ACSM1: variants seen among roughly 807,000 people sequenced by gnomAD.
ACSM1 encodes the protein acyl-coenzyme A synthetase ACSM1, mitochondrial.
Under a neutral mutation model 75.8 loss-of-function variants are expected in ACSM1, and 79 were observed. The ratio of observed to expected loss-of-function variants is 1.04; its 90% CI spans 0.87 to 1.26. The LOEUF is 1.26. Ranked by LOEUF, ACSM1 falls within the 50% of genes most tolerant of loss-of-function variation. The pLI, the probability that ACSM1 is intolerant of heterozygous loss-of-function variation, is 0.00. For synonymous variants in ACSM1, 279 were observed against 265.8 expected, an observed-to-expected ratio of 1.05 and a Z score of -0.48; for missense variants, 676 against 720.1, an observed-to-expected ratio of 0.94 and a Z score of 0.70.
chr16:20,671,398 A>C, intron 5 of ACSM1, 133 bp downstream of exon 5: 1 of 926,968 alleles, frequency 1.1e-6, no homozygotes. Flanking sequence ...GTGGAAGGGA[A>C]AAGGAGTATG....
chr16:20,647,224 G>A (rs2018416346), intron 7 of ACSM1, among the ~76,000 whole-genome samples: 1 of 152,192 alleles, frequency 6.6e-6, no homozygotes, highest in Non-Finnish European at 1.5e-5. Flanking sequence ...CTCAAGATGT[G>A]CATGACCATG....
chr16:20,644,538 A>AACAC (rs56275246), intron 7 of ACSM1, among the ~76,000 whole-genome samples: 7,763 of 145,014 alleles, frequency 0.054, 261 homozygotes, highest in Non-Finnish European at 0.077. Flanking sequence ...GTGATTGAGG[A>AACAC]ACACACACAC....
intron 7 of ACSM1, among the ~76,000 whole-genome samples, chr16:20,643,891 A>G (rs1002388167): frequency 1.3e-5 from 2 of 152,024 alleles, no homozygotes; most frequent in East Asian, 3.9e-4. Context: ...TGATTGGTGA[A>G]TTTACAGTCC....
At chr16:20,629,672 A>T (rs956967706) in intron 10 of ACSM1, among the ~76,000 whole-genome samples, 1 of 152,208 alleles carries the variant, frequency 6.6e-6, no homozygotes, top group Non-Finnish European at 1.5e-5. Context: ...AATATACACT[A>T]TCTACAAGAG....
intron 11 of ACSM1, 47 bp from the exon 12 acceptor site, chr16:20,625,569 C>A (rs2016875607): frequency 1.9e-6 from 3 of 1,549,672 alleles, no homozygotes; most frequent in Admixed American, 1.7e-5. Context: ...TGGGGTGAAC[C>A]AAGTCCCCAG....
At chr16:20,640,837 T>A (rs1385019758) in intron 7 of ACSM1, among the ~76,000 whole-genome samples, 1 of 152,138 alleles carries the variant, frequency 6.6e-6, no homozygotes, top group African/African-American at 2.4e-5. Flanking sequence ...TGGATTAAAT[T>A]TGGATATCAG....
intron 4 of ACSM1, among the ~76,000 whole-genome samples, chr16:20,672,315 G>A (rs1158259312): frequency 1.3e-5 from 2 of 149,936 alleles, no homozygotes; most frequent in Non-Finnish European, 3.0e-5. Flanking sequence ...GGGCATGCTG[G>A]TGGGCGCTTA....
chr16:20,682,261 C>T lies in ACSM1; in HGVS notation c.606G>A (p.Leu202=), dbSNP rs1165641733. The T allele has an allele frequency of 6.2e-7, 1 of 1,612,798 alleles. No individual in the cohort carries two copies. The highest frequency in any genetic ancestry group is 1.1e-5 in the South Asian group (1 of 91,010). Residue 202 remains leucine (L), a synonymous_variant, in exon 4 of 14, where the codon CTG becomes CTA. Transcript: ENST00000520010. ...SREGWLDFRS[L]VKSASPEHTC... Reference sequence around the variant, plus strand: ...TCATCAGACCAGAGACTCACTTAACCAGCGATCGGAAGTCCAGCCACCCTT... The same window carrying T: ...TCATCAGACCAGAGACTCACTTAACTAGCGATCGGAAGTCCAGCCACCCTT...
chr16:20,639,494 GAGTCTCCT>G (rs2017923621), intron 8 of ACSM1, among the ~76,000 whole-genome samples: 1 of 152,186 alleles, frequency 6.6e-6, no homozygotes, highest in Non-Finnish European at 1.5e-5. Flanking sequence ...TTGCTGGAGA[GAGTCTCCT>G]ATCCCACCCA....
chr16:20,687,362 T>C (rs2079571922), intron 2 of ACSM1, among the ~76,000 whole-genome samples: 2 of 152,164 alleles, frequency 1.3e-5, no homozygotes, highest in South Asian at 4.1e-4. Context: ...CAGCCATTTA[T>C]ACGGGAAAAT....
At chr16:20,637,484 C>A in intron 8 of ACSM1, 33 bp from the exon 9 acceptor site, 1 of 1,561,774 alleles carries the variant, frequency 6.4e-7, no homozygotes, top group South Asian at 1.1e-5. Flanking sequence ...TTGGGTTGAT[C>A]AGAGAGGCCA....
At chr16:20,640,393 C>A (rs932860899) in intron 8 of ACSM1, 68 bp downstream of exon 8, 22 of 1,587,962 alleles carry the variant, frequency 1.4e-5, no homozygotes, top group South Asian at 2.2e-5. Context: ...GTGTCATTAA[C>A]CTTAGCAAAA....
chr16:20,696,961 C>T (rs994670115), intron 1 of ACSM1, among the ~76,000 whole-genome samples: 11 of 152,178 alleles, frequency 7.2e-5, no homozygotes, highest in Admixed American at 4.6e-4. Flanking sequence ...TTCCCAGCTC[C>T]CCATAAGGAT....
At chr16:20,670,455 C>G (rs920110678) in intron 5 of ACSM1, among the ~76,000 whole-genome samples, 1 of 152,216 alleles carries the variant, frequency 6.6e-6, no homozygotes, top group African/African-American at 2.4e-5. Flanking sequence ...TTCCCTAACT[C>G]TATTCTAATT....
At chr16:20,654,337 T>C (rs1410772665) in intron 7 of ACSM1, among the ~76,000 whole-genome samples, 2 of 152,168 alleles carry the variant, frequency 1.3e-5, no homozygotes, top group African/African-American at 4.8e-5. Context: ...GACACAGGCA[T>C]GGGCAAGGAC....
chr16:20,649,706 A>T (rs1221493965), intron 7 of ACSM1, among the ~76,000 whole-genome samples: 1 of 152,202 alleles, frequency 6.6e-6, no homozygotes, highest in Non-Finnish European at 1.5e-5. Flanking sequence ...ATTTACCTAT[A>T]GCCCGGAAGC....
chr16:20,655,824 G>A (rs2018928897), intron 7 of ACSM1, among the ~76,000 whole-genome samples: 3 of 151,930 alleles, frequency 2.0e-5, no homozygotes, highest in African/African-American at 7.3e-5. Context: ...CACCACCCCT[G>A]GCTAATTTTT....
chr16:20,624,062 G>A (rs765039680), intron 13 of ACSM1, 34 bp downstream of exon 13: 33 of 1,607,056 alleles, frequency 2.1e-5, no homozygotes, highest in Middle Eastern at 1.7e-4. Context: ...AACGCTTCAG[G>A]GCCACCAGAT....
chr16:20,635,558 T>A (rs12924069), intron 10 of ACSM1, among the ~76,000 whole-genome samples: 1 of 151,624 alleles, frequency 6.6e-6, no homozygotes, highest in African/African-American at 2.4e-5. Flanking sequence ...AATATATGTG[T>A]TACCCCATGT....
Sources: allele counts gnomAD v4.1 joint callset (sites outside exome capture counted in the v4.1 genomes callset), GRCh38; gene constraint gnomAD v4.1.1; transcripts MANE v1.5; gene names NCBI Gene and HGNC (gene_info 2026-07-23, HGNC 2026-07-21).